Variants in FHIT observed in about 807,000 individuals in gnomAD.
FHIT encodes fragile histidine triad diadenosine triphosphatase.
In FHIT, 19 loss-of-function variants were observed where a neutral mutation model predicts 17.9. That is an observed-to-expected ratio of 1.06 (90% CI 0.74 to 1.56). The LOEUF is 1.56. Ranked by LOEUF, FHIT falls within the 40% of genes most tolerant of loss-of-function variation. FHIT has a pLI of 0.00. For missense variants in FHIT, 248 were observed against 189.2 expected, an observed-to-expected ratio of 1.31 and a Z score of -1.82; for synonymous variants, 81 against 69.7, an observed-to-expected ratio of 1.16 and a Z score of -0.81.
At chr3:59,927,068 C>T (rs1217939429) in intron 7 of FHIT, among the ~76,000 whole-genome samples, 2 of 152,284 alleles carry the variant, frequency 1.3e-5, no homozygotes, top group East Asian at 3.9e-4. Flanking sequence ...GTATAAAAAA[C>T]TCAAATGACT....
chr3:61,231,365 G>A lies in FHIT; in HGVS notation c.-213+19936C>T, dbSNP rs563296517. Among the ~76,000 whole-genome samples, 322 of 152,122 alleles carry A rather than the reference G, an allele frequency of 2.1e-3. 2 individuals carry two copies. The highest frequency in any genetic ancestry group is 1.6e-3 in the Non-Finnish European group (108 of 67,984). On this transcript the variant is annotated intron_variant, in intron 1 of 9. Coordinates refer to ENST00000492590, the MANE Select transcript of FHIT (RefSeq NM_002012.4). ...AAAAAATTGCTAGGTGTGGTGGTGGGCACCTATGGTTCCAGCTACTCGGGA... is the reference window on the plus strand; with the variant it reads ...AAAAAATTGCTAGGTGTGGTGGTGGACACCTATGGTTCCAGCTACTCGGGA...
At chr3:60,854,928 T>C (rs1167377554) in intron 3 of FHIT, among the ~76,000 whole-genome samples, 1 of 152,126 alleles carries the variant, frequency 6.6e-6, no homozygotes, top group East Asian at 1.9e-4. Flanking sequence ...CACAAGTATT[T>C]GTGGTGAGCA....
At chr3:60,615,591 CA>C (rs1245481163) in intron 4 of FHIT, among the ~76,000 whole-genome samples, 1 of 152,196 alleles carries the variant, frequency 6.6e-6, no homozygotes, top group East Asian at 1.9e-4. Flanking sequence ...TTGATCATAA[CA>C]GTACTTTAAG....
chr3:60,902,480 GA>G (rs1706170972), intron 3 of FHIT, among the ~76,000 whole-genome samples: 1 of 152,168 alleles, frequency 6.6e-6, no homozygotes, highest in Non-Finnish European at 1.5e-5. Flanking sequence ...GAAAGTTCCA[GA>G]GATGCCCATA....
At chr3:60,219,871 A>G (rs981875963) in intron 5 of FHIT, among the ~76,000 whole-genome samples, 6 of 152,162 alleles carry the variant, frequency 3.9e-5, no homozygotes, top group Non-Finnish European at 8.8e-5. Flanking sequence ...AAAATTGCAT[A>G]AGATTCAGAC....
intron 5 of FHIT, among the ~76,000 whole-genome samples, chr3:60,213,873 A>C (rs1225266801): frequency 1.3e-5 from 2 of 152,204 alleles, no homozygotes; most frequent in Non-Finnish European, 2.9e-5. Context: ...ATATCCTTAG[A>C]AAGCATGCCT....
intron 3 of FHIT, among the ~76,000 whole-genome samples, chr3:60,864,808 A>G (rs2107024750): frequency 6.6e-6 from 1 of 152,298 alleles, no homozygotes; most frequent in East Asian, 1.9e-4. Context: ...TGTATAGCCC[A>G]CAAGTATAAT....
At chr3:60,411,072 T>C (rs1046441658) in intron 5 of FHIT, among the ~76,000 whole-genome samples, 7 of 152,128 alleles carry the variant, frequency 4.6e-5, no homozygotes, top group African/African-American at 1.7e-4. Context: ...TACCTATATA[T>C]CTAAAATGGT....
chr3:60,136,455 C>G (rs1699821195), intron 5 of FHIT, among the ~76,000 whole-genome samples: 2 of 152,158 alleles, frequency 1.3e-5, no homozygotes, highest in African/African-American at 4.8e-5. Context: ...TTTACTACCA[C>G]TAGAAGACAA....
chr3:60,192,187 G>C (rs932041840), intron 5 of FHIT, among the ~76,000 whole-genome samples: 1 of 148,844 alleles, frequency 6.7e-6, no homozygotes, highest in African/African-American at 2.5e-5. Flanking sequence ...GGAGGCGGAG[G>C]TTGCAGTGAG....
At chr3:60,121,675 C>T (rs919444473) in intron 5 of FHIT, among the ~76,000 whole-genome samples, 1 of 146,422 alleles carries the variant, frequency 6.8e-6, no homozygotes, top group African/African-American at 2.5e-5. Flanking sequence ...CAAAGCAAGA[C>T]TCTGTCTCAA....
chr3:60,907,794 T>C (rs1312245834), intron 3 of FHIT, among the ~76,000 whole-genome samples: 1 of 152,210 alleles, frequency 6.6e-6, no homozygotes, highest in African/African-American at 2.4e-5. Flanking sequence ...ATAACTAGCA[T>C]ATTTTGAATG....
chr3:60,758,346 T>A (rs1223593156), intron 4 of FHIT, among the ~76,000 whole-genome samples: 2 of 152,236 alleles, frequency 1.3e-5, no homozygotes, highest in African/African-American at 4.8e-5. Context: ...TAAACTCTAG[T>A]CAAATTACCC....
chr3:60,902,738 C>A (rs1353770369), intron 3 of FHIT, among the ~76,000 whole-genome samples: 1 of 152,148 alleles, frequency 6.6e-6, no homozygotes, highest in Non-Finnish European at 1.5e-5. Flanking sequence ...CCTTCCTAAC[C>A]TAGTTTGAGC....
intron 7 of FHIT, among the ~76,000 whole-genome samples, chr3:59,984,066 G>A (rs1377660629): frequency 1.3e-5 from 2 of 152,138 alleles, no homozygotes; most frequent in Non-Finnish European, 1.5e-5. Flanking sequence ...CTCTTACTAA[G>A]TAGCACACTA....
At chr3:60,421,463 T>C (rs976996497) in intron 5 of FHIT, among the ~76,000 whole-genome samples, 2 of 152,138 alleles carry the variant, frequency 1.3e-5, no homozygotes, top group South Asian at 4.1e-4. Context: ...GACCCAGAAA[T>C]TTTAATTATT....
intron 3 of FHIT, among the ~76,000 whole-genome samples, chr3:60,934,154 G>C (rs980789634): frequency 6.6e-6 from 1 of 152,170 alleles, no homozygotes; most frequent in Admixed American, 6.5e-5. Context: ...TGGTTACCCA[G>C]ATGAGGCTGG....
At chr3:60,979,488 A>G (rs1710398973) in intron 3 of FHIT, among the ~76,000 whole-genome samples, 1 of 152,182 alleles carries the variant, frequency 6.6e-6, no homozygotes, top group Admixed American at 6.5e-5. Flanking sequence ...CAAAGAGGGA[A>G]ATAGAAGAAA....
intron 2 of FHIT, among the ~76,000 whole-genome samples, chr3:61,047,343 A>C (rs900465984): frequency 1.5e-4 from 23 of 152,338 alleles, no homozygotes; most frequent in African/African-American, 5.5e-4. Flanking sequence ...AATAACAGAC[A>C]AACAGAGAGC....
Sources: gnomAD v4.1 joint callset for allele counts (sites outside exome capture counted in the v4.1 genomes callset) on GRCh38, gnomAD v4.1.1 for gene constraint, MANE v1.5 for transcripts, NCBI Gene and HGNC (gene_info 2026-07-23, HGNC 2026-07-21) for gene names.